Variants in CPEB4 observed in about 807,000 individuals in gnomAD.
CPEB4 encodes cytoplasmic polyadenylation element-binding protein 4.
A neutral mutation model predicts 72.5 loss-of-function variants in CPEB4; 12 were observed. The ratio of observed to expected loss-of-function variants is 0.17; its 90% CI spans 0.11 to 0.27. The LOEUF (loss-of-function observed/expected upper bound fraction) is 0.27, where lower values mean the gene tolerates loss of function less well. Ranked by LOEUF, CPEB4 falls within the 10% of genes least tolerant of loss-of-function variation. CPEB4 has a pLI of 1.00. For synonymous variants in CPEB4, 302 were observed against 326.3 expected, an observed-to-expected ratio of 0.93 and a Z score of 0.80; for missense variants, 614 against 908.5, an observed-to-expected ratio of 0.68 and a Z score of 4.17.
intron 3 of CPEB4, among the ~76,000 whole-genome samples, chr5:173,936,087 G>T (rs1275790092): frequency 6.6e-6 from 1 of 152,094 alleles, no homozygotes; most frequent in Non-Finnish European, 1.5e-5. Context: ...GGCAATCTTG[G>T]GGACAGTTCT....
At position 173,960,966 on chromosome 5, in the gene CPEB4, TATAAC is replaced by T. The variant is rs947746814; in HGVS notation, c.*4831_*4835del. The T allele has an allele frequency of 6.6e-6, 1 of 152,248 alleles. No homozygotes were observed. The highest frequency in any genetic ancestry group is 6.5e-5 in the Admixed American group (1 of 15,288). The allele number at this position is 152,248 out of a possible 1,614,324, so 9.4% of individuals were successfully genotyped here. On this transcript the variant is annotated 3_prime_UTR_variant, in exon 10 of 10. Coordinates refer to ENST00000265085, the MANE Select transcript of CPEB4 (RefSeq NM_030627.4). ...TCAAACTTTTAACATAAGGATTTAT[TATAAC>T]AAAATATAACACTGAGAATATCCTG...
intron 1 of CPEB4, among the ~76,000 whole-genome samples, chr5:173,902,238 CCTT>C (rs1226945022): frequency 2.0e-5 from 3 of 152,218 alleles, no homozygotes; most frequent in Admixed American, 2.0e-4. Flanking sequence ...TTTTCCCTTC[CCTT>C]CTTTACCAGG....
At chr5:173,911,575 T>C (rs1756661197) in intron 2 of CPEB4, among the ~76,000 whole-genome samples, 1 of 151,888 alleles carries the variant, frequency 6.6e-6, no homozygotes, top group South Asian at 2.1e-4. Context: ...AGAATGAAAA[T>C]TGCAAGACTA....
At chr5:173,943,312 C>T (rs571649568) in intron 4 of CPEB4, among the ~76,000 whole-genome samples, 4 of 152,184 alleles carry the variant, frequency 2.6e-5, no homozygotes, top group African/African-American at 9.6e-5. Flanking sequence ...TTATTTATAT[C>T]TAAAGATGTG....
intron 7 of CPEB4, among the ~76,000 whole-genome samples, chr5:173,951,044 T>C (rs1011948108): frequency 6.6e-6 from 1 of 152,196 alleles, no homozygotes; most frequent in Non-Finnish European, 1.5e-5. Context: ...TGAAGTCTTG[T>C]GGTTGTCTAG....
At chr5:173,927,052 G>C (rs1399954404) in intron 2 of CPEB4, among the ~76,000 whole-genome samples, 2 of 152,180 alleles carry the variant, frequency 1.3e-5, no homozygotes, top group Middle Eastern at 3.2e-3. Flanking sequence ...TCGGGAGGCT[G>C]AGGTGGGAGA....
rs1269405289 is a variant in CPEB4, at chr5:173,957,317, CA to C, written c.*1181del. ...AGTTGTAACATAGAAAATGAAAAAA[CA>C]GTTAAAAAAAGTGAAGTAGTTGCAA... On this transcript the variant is annotated 3_prime_UTR_variant, in exon 10 of 10. Transcript: ENST00000265085. 1 of 152,646 alleles carries C rather than the reference CA, an allele frequency of 6.6e-6. No homozygotes were observed. The highest frequency in any genetic ancestry group is 1.5e-5 in the Non-Finnish European group (1 of 68,016). 9.5% of individuals were successfully genotyped at this position (152,646 alleles called of 1,614,324 possible).
At chr5:173,948,129 A>C (rs568159145) in intron 5 of CPEB4, among the ~76,000 whole-genome samples, 1 of 152,180 alleles carries the variant, frequency 6.6e-6, no homozygotes, top group Non-Finnish European at 1.5e-5. Flanking sequence ...GAATAAATCA[A>C]TGGGACAGAT....
intron 1 of CPEB4, among the ~76,000 whole-genome samples, chr5:173,906,729 T>C (rs562037005): frequency 1.3e-5 from 2 of 152,310 alleles, no homozygotes; most frequent in East Asian, 3.9e-4. Flanking sequence ...TAACAAATTA[T>C]AGGAAAAAAT....
At chr5:173,924,246 T>A (rs1757166924) in intron 2 of CPEB4, among the ~76,000 whole-genome samples, 1 of 152,236 alleles carries the variant, frequency 6.6e-6, no homozygotes, top group Non-Finnish European at 1.5e-5. Flanking sequence ...TCTCTGGTTT[T>A]ATTGAAAAGA....
chr5:173,904,017 A>G (rs575033766), intron 1 of CPEB4, among the ~76,000 whole-genome samples: 34 of 152,364 alleles, frequency 2.2e-4, no homozygotes, highest in Middle Eastern at 3.4e-3. Context: ...TATATTAAAT[A>G]TAATAATTAA....
chr5:173,904,445 G>A (rs567084769), intron 1 of CPEB4, among the ~76,000 whole-genome samples: 61 of 152,242 alleles, frequency 4.0e-4, no homozygotes, highest in Middle Eastern at 3.4e-3. Flanking sequence ...TGGGGAAAAG[G>A]AAGATAAGAT....
At chr5:173,895,760 A>T (rs1210132425) in intron 1 of CPEB4, among the ~76,000 whole-genome samples, 1 of 152,220 alleles carries the variant, frequency 6.6e-6, no homozygotes, top group Non-Finnish European at 1.5e-5. Flanking sequence ...CTCTTTGTAG[A>T]AGGCTTTTTA....
chr5:173,911,758 C>G, intron 2 of CPEB4, among the ~76,000 whole-genome samples: 1 of 139,054 alleles, frequency 7.2e-6, no homozygotes, highest in Non-Finnish European at 1.5e-5. Context: ...CTGTTGGCTC[C>G]TTCATTCATT....
At position 173,888,604 on chromosome 5, in the gene CPEB4, A is replaced by T; in HGVS notation, c.-1130A>T. ...AAGCCTTCTAAATTATAGTTTAAAA[A>T]AAAATTCTGGGGGAAAAGAGAGAGA... On this transcript the variant is annotated 5_prime_UTR_variant, in exon 1 of 10. Coordinates refer to ENST00000265085, the MANE Select transcript of CPEB4 (RefSeq NM_030627.4). The surrounding 1 kb of genome is among the most constrained non-coding windows in gnomAD (Gnocchi z 4.3). 2.5e-6 allele frequency: 1 copy of T among 401,250 alleles called. No homozygotes were observed. Among genetic ancestry groups the T allele is most frequent in the East Asian group, 3.5e-5 (1 of 28,236 alleles). 24.9% of individuals were successfully genotyped at this position (401,250 alleles called of 1,614,324 possible). A position where few individuals can be genotyped will look rare whatever the true frequency, so the allele number is the denominator to read the frequency against.
At chr5:173,952,301 GA>G (rs1561633434) in intron 8 of CPEB4, among the ~76,000 whole-genome samples, 2 of 151,980 alleles carry the variant, frequency 1.3e-5, no homozygotes, top group African/African-American at 4.8e-5. Flanking sequence ...TGTCTGAAAA[GA>G]AAAAAAGTCC....
chr5:173,904,206 C>T (rs1202110693), intron 1 of CPEB4, among the ~76,000 whole-genome samples: 3 of 152,156 alleles, frequency 2.0e-5, no homozygotes, highest in Non-Finnish European at 4.4e-5. Context: ...TATTTAAATA[C>T]TCGAAGCTTC....
rs753787980 is a variant in CPEB4, at chr5:173,958,946, T to C, written c.*2809T>C. 3.9e-5 allele frequency: 6 copies of C among 152,712 alleles called. No homozygotes were observed. The highest frequency in any genetic ancestry group is 8.8e-5 in the Non-Finnish European group (6 of 68,010). The allele number at this position is 152,712 out of a possible 1,614,324, so 9.5% of individuals were successfully genotyped here. On this transcript the variant is annotated 3_prime_UTR_variant, in exon 10 of 10. Coordinates refer to ENST00000265085, the MANE Select transcript of CPEB4 (RefSeq NM_030627.4). ...TAGTGTGCATGACTAATGTAAGAAA[T>C]TGTTATTCTACTAATATTTACTTGT...
chr5:173,904,864 G>C (rs1561608697), intron 1 of CPEB4, among the ~76,000 whole-genome samples: 1 of 151,708 alleles, frequency 6.6e-6, no homozygotes, highest in Non-Finnish European at 1.5e-5. Context: ...CCAGCTACTT[G>C]GGAGGCCGAG....
Sources: gnomAD v4.1 joint callset for allele counts (sites outside exome capture counted in the v4.1 genomes callset) on GRCh38, gnomAD v4.1.1 for gene constraint, Gnocchi (gnomAD v3.1) non-coding constraint, MANE v1.5 for transcripts, NCBI Gene and HGNC (gene_info 2026-07-23, HGNC 2026-07-21) for gene names.